Variants in SORBS2 observed in about 807,000 individuals in gnomAD.
SORBS2 encodes sorbin and SH3 domain containing 2.
Under a neutral mutation model 97.7 loss-of-function variants are expected in SORBS2, and 46 were observed. The observed-to-expected ratio is 0.47, with a 90% CI of 0.37 to 0.60. The LOEUF (loss-of-function observed/expected upper bound fraction) is 0.60, where lower values mean the gene tolerates loss of function less well. SORBS2 is among the 20% of genes least tolerant of loss of function. The pLI, the probability that SORBS2 is intolerant of heterozygous loss-of-function variation, is 0.00. For missense variants in SORBS2, 1,316 were observed against 1,282.3 expected (o/e 1.03, Z -0.40); for synonymous variants, 476 against 473.4 (o/e 1.01, Z -0.07).
chr4:185,899,683 G>A (rs1020102700), intron 1 of SORBS2, among the ~76,000 whole-genome samples: 1 of 152,128 alleles, frequency 6.6e-6, no homozygotes, highest in Non-Finnish European at 1.5e-5. Flanking sequence ...TCCAGAGTTG[G>A]AAAAATAAAG....
upstream of SORBS2, chr4:185,657,523 T>G (rs763744962): frequency 1.3e-6 from 2 of 1,573,732 alleles, no homozygotes; most frequent in Admixed American, 2.0e-5. Context: ...CCTCTGAGGA[T>G]CGGTACAGGG....
intron 1 of SORBS2, among the ~76,000 whole-genome samples, chr4:185,884,024 A>G (rs954219105): frequency 5.3e-5 from 8 of 152,198 alleles, no homozygotes; most frequent in African/African-American, 1.9e-4. Context: ...ATCAGTTTTC[A>G]TCAGGAGGTG....
chr4:185,949,398 T>C (rs1283215047), intron 1 of SORBS2, among the ~76,000 whole-genome samples: 4 of 152,206 alleles, frequency 2.6e-5, no homozygotes, highest in African/African-American at 9.6e-5. Context: ...TGACATTCAT[T>C]ATCCTATTTA....
In SORBS2 at chr4:185,910,773, G is replaced by T. The variant is rs191304851; in HGVS notation, c.-338+45423C>A. 3.1e-3 allele frequency among the ~76,000 whole-genome samples: 467 copies of T among 152,156 alleles called. 6 individuals carry two copies. Among genetic ancestry groups the T allele is most frequent in the Admixed American group, 0.02 (307 of 15,270 alleles). On this transcript the variant is annotated intron_variant, in intron 1 of 20. Transcript: ENST00000284776. ...TTATTCTATAACCTAAATCCTGTGG[G>T]TATACAAAGATGCAGATATAAACAG...
intron 1 of SORBS2, among the ~76,000 whole-genome samples, chr4:185,853,091 C>T (rs542940630): frequency 1.3e-3 from 192 of 152,176 alleles, no homozygotes; most frequent in African/African-American, 4.3e-3. Flanking sequence ...ATACCTTCTC[C>T]CTGCACATGT....
chr4:185,664,666 G>A (rs1392796947), intron 4 of SORBS2, among the ~76,000 whole-genome samples: 1 of 152,138 alleles, frequency 6.6e-6, no homozygotes, highest in Non-Finnish European at 1.5e-5. Context: ...ACAGCCATTG[G>A]GGGAATACCA....
chr4:185,854,823 G>GAGAGAGAGAGCC (rs1561237598), intron 1 of SORBS2, among the ~76,000 whole-genome samples: 3 of 152,130 alleles, frequency 2.0e-5, no homozygotes, highest in African/African-American at 7.2e-5. Context: ...GAGAGCCTTA[G>GAGAGAGAGAGCC]TTAGTTTACT....
chr4:185,894,172 T>C (rs1468856879), intron 1 of SORBS2: 1 of 152,100 alleles, frequency 6.6e-6, no homozygotes, highest in African/African-American at 2.4e-5. Context: ...AATATGCATG[T>C]TTTAAAAGAG....
intron 2 of SORBS2, among the ~76,000 whole-genome samples, chr4:185,746,485 T>G (rs2153592600): frequency 6.6e-6 from 1 of 152,128 alleles, no homozygotes; most frequent in African/African-American, 2.4e-5. Flanking sequence ...CCTGGCTAAT[T>G]TTTGTATTTT....
In SORBS2 at chr4:185,692,310, C is replaced by T. The variant is rs1431563488; in HGVS notation, c.-197-13488G>A. Among the ~76,000 whole-genome samples the T allele has an allele frequency of 2.6e-5, 4 of 152,166 alleles. No homozygotes were observed. In the South Asian group the frequency reaches 6.2e-4, roughly 24 times the overall value. On this transcript the variant is annotated intron_variant, in intron 2 of 20. Transcript: ENST00000284776. ...CCAGGCGCATCAGTACTGCAACATCCGAACATTTTCAAGAATTTTATTTAT... is the reference window on the plus strand; with the variant it reads ...CCAGGCGCATCAGTACTGCAACATCTGAACATTTTCAAGAATTTTATTTAT...
At chr4:185,725,126 G>C (rs1411398799) in intron 2 of SORBS2, among the ~76,000 whole-genome samples, 1 of 152,128 alleles carries the variant, frequency 6.6e-6, no homozygotes, top group African/African-American at 2.4e-5. Flanking sequence ...AGTTCAAAAA[G>C]GGATTTAGGC....
chr4:185,891,900 T>C (rs1225155247), intron 1 of SORBS2, among the ~76,000 whole-genome samples: 2 of 152,134 alleles, frequency 1.3e-5, no homozygotes, highest in South Asian at 4.1e-4. Flanking sequence ...AGTGGCGCGA[T>C]CTTGGCTCAC....
At chr4:185,829,520 G>A (rs143415077) in intron 1 of SORBS2, among the ~76,000 whole-genome samples, 50 of 152,212 alleles carry the variant, frequency 3.3e-4, no homozygotes, top group African/African-American at 1.2e-3. Flanking sequence ...GAAAGAATGA[G>A]ACAGAGAGAG....
At chr4:185,663,891 G>A (rs1582160529) in intron 4 of SORBS2, among the ~76,000 whole-genome samples, 1 of 116,476 alleles carries the variant, frequency 8.6e-6, no homozygotes, top group South Asian at 2.7e-4. Context: ...GTCTCGCTCT[G>A]TCGCCCAGGC....
At chr4:185,635,292 GCAGAATCACAGTCA>G (rs1014927545) in intron 4 of SORBS2, 49 bp downstream of exon 16, 81 of 1,178,706 alleles carry the variant, frequency 6.9e-5, no homozygotes, top group Non-Finnish European at 9.8e-5. Flanking sequence ...ACACAGATGT[GCAGAATCACAGTCA>G]CAGCCTCTAA....
chr4:185,819,474 G>A (rs562934105), intron 1 of SORBS2, among the ~76,000 whole-genome samples: 3 of 152,338 alleles, frequency 2.0e-5, no homozygotes, highest in South Asian at 2.1e-4. Flanking sequence ...TGAGTGATAA[G>A]TAAGTCTCAA....
intron 4 of SORBS2, chr4:185,666,181 C>G: frequency 1.6e-6 from 2 of 1,289,394 alleles, no homozygotes; most frequent in South Asian, 2.5e-5. Context: ...CTCCAACACA[C>G]TGGCAGGTAA....
At chr4:185,626,673 T>C (rs2096821263) in intron 6 of SORBS2, 159 bp downstream of exon 18, 3 of 713,072 alleles carry the variant, frequency 4.2e-6, no homozygotes, top group Non-Finnish European at 7.0e-6. Context: ...CTTGAGTCAG[T>C]CTGGGTGGGA....
intron 2 of SORBS2, among the ~76,000 whole-genome samples, chr4:185,752,689 C>A (rs1366484109): frequency 6.6e-6 from 1 of 152,124 alleles, no homozygotes; most frequent in Non-Finnish European, 1.5e-5. Flanking sequence ...TAAGCACAGT[C>A]CTTTACAGAA....
Sources: allele counts gnomAD v4.1 joint callset (sites outside exome capture counted in the v4.1 genomes callset), GRCh38; gene constraint gnomAD v4.1.1; transcripts MANE v1.5; gene names NCBI Gene and HGNC (gene_info 2026-07-23, HGNC 2026-07-21).